IQGAP3: variants seen among roughly 807,000 people sequenced by gnomAD.
IQGAP3 encodes ras GTPase-activating-like protein IQGAP3.
IQGAP3 carries 165 observed loss-of-function variants against 208.2 expected under a neutral mutation model. The ratio of observed to expected loss-of-function variants is 0.79; its 90% CI spans 0.70 to 0.90. The LOEUF is 0.90. Among genes scored for constraint, IQGAP3 ranks in the 40% least tolerant of loss-of-function variants. The pLI, the probability that IQGAP3 is intolerant of heterozygous loss-of-function variation, is 0.00. For missense variants in IQGAP3, 1,811 were observed against 2,043.1 expected (o/e 0.89, Z 2.19); for synonymous variants, 703 against 803.6 (o/e 0.87, Z 2.12).
chr1:156,538,861 G>A lies in IQGAP3; in HGVS notation c.3229C>T (p.His1077Tyr), dbSNP rs777233810. The change falls in exon 26 of 38, where the codon CAC (histidine) becomes TAC (tyrosine). Residue 1077 changes from histidine to tyrosine, a missense_variant. His to Tyr is a moderately conservative substitution (Grantham distance 83). Coordinates refer to ENST00000361170, the MANE Select transcript of IQGAP3 (RefSeq NM_178229.5). Reference protein sequence around the residue: ...KVLSVHTDPVHLYKNWINQTE... With the variant: ...KVLSVHTDPVYLYKNWINQTE... ...TGGTTGATCCAGTTCTTATAGAGGT[G>A]GACAGGGTCTGTGTGGACGCTGAGC... The A allele has an allele frequency of 3.7e-6, 6 of 1,614,028 alleles. No individual in the cohort carries two copies. Among genetic ancestry groups the A allele is most frequent in the Non-Finnish European group, 8.5e-7 (1 of 1,180,028 alleles).
At position 156,528,911 on chromosome 1, in the gene IQGAP3, C is replaced by A. The variant is rs750431254; in HGVS notation, c.4571+5G>T. On this transcript the variant is annotated splice_donor_5th_base_variant and intron_variant, in intron 35 of 37. Transcript: ENST00000361170. ...ACCTTCCAAGTACGGGAAAGCAGCA[C>A]CTACTTGGAGTCGGGGGCCAGGTGG... 5.0e-6 allele frequency: 8 copies of A among 1,614,056 alleles called. No homozygotes were observed. In the East Asian group the frequency reaches 1.3e-4, roughly 27 times the overall value.
chr1:156,535,344 G>A, intron 27 of IQGAP3, 97 bp from the exon 28 acceptor site: 1 of 822,704 alleles, frequency 1.2e-6, no homozygotes, highest in South Asian at 1.6e-5. Flanking sequence ...TTCTCCCCCA[G>A]GCTCAGCCAC....
rs59477033 is a variant in IQGAP3, at chr1:156,539,272, T to C, written c.3056+102A>G. On this transcript the variant is annotated intron_variant, in intron 25 of 37. Coordinates refer to ENST00000361170, the MANE Select transcript of IQGAP3 (RefSeq NM_178229.5). ...AGAGAAAAGAGGTCTTCTGATTCCA[T>C]TTCTACCCTTAGGCCTCAACAAGTT... The C allele has an allele frequency of 1.5e-3, 1,752 of 1,160,460 alleles. 22 individuals are homozygous for C. The African/African-American group carries it at 0.024, about 16-fold the overall frequency. The allele number at this position is 1,160,460 out of a possible 1,614,324, so 71.9% of individuals were successfully genotyped here.
At chr1:156,549,314 T>C (rs541113204) in intron 16 of IQGAP3, among the ~76,000 whole-genome samples, 1 of 151,834 alleles carries the variant, frequency 6.6e-6, no homozygotes, top group Admixed American at 6.6e-5. Context: ...CTACTAATAA[T>C]ACAAAAATTA....
chr1:156,562,432 A>T (rs1230434771), intron 9 of IQGAP3, among the ~76,000 whole-genome samples, 155 bp downstream of exon 9: 1 of 152,154 alleles, frequency 6.6e-6, no homozygotes. Context: ...AAAGCAGTGC[A>T]CATACTCCTT....
intron 9 of IQGAP3, 32 bp from the exon 10 acceptor site, chr1:156,562,033 T>C (rs1297599059): frequency 1.3e-6 from 2 of 1,559,544 alleles, no homozygotes; most frequent in Admixed American, 1.9e-5. Context: ...ATGGACAGTG[T>C]GAGAAAGCCA....
At position 156,538,970 on chromosome 1, in the gene IQGAP3, C is replaced by T. The variant is rs750376761; in HGVS notation, c.3120G>A (p.Val1040=). ...GTCCCCGCCCATTACGGTAGAATCT[C>T]ACCACCAGCCTCACCACTGTTGGGT... ...TGNPTVVRLV[V]RFYRNGRGQS... The change falls in exon 26 of 38, where the codon GTG becomes GTA. Residue 1040 remains valine, a synonymous_variant. Transcript: ENST00000361170. 3 of 1,614,210 alleles carry T rather than the reference C, an allele frequency of 1.9e-6. No individual in the cohort carries two copies. Among genetic ancestry groups the T allele is most frequent in the South Asian group, 2.2e-5 (2 of 91,078 alleles).
chr1:156,564,801 C>A, intron 4 of IQGAP3, 110 bp from the exon 5 acceptor site: 1 of 763,270 alleles, frequency 1.3e-6, no homozygotes, highest in South Asian at 1.5e-5. Context: ...GGTGTGTGTT[C>A]CCTTGTTACC....
Position 156,528,980 on chromosome 1 carries a change from C to A in IQGAP3, c.4507G>T (p.Glu1503Ter). 1 of 1,614,214 alleles carries A rather than the reference C, an allele frequency of 6.2e-7. No individual in the cohort carries two copies. The change falls in exon 35 of 38, where the codon GAG (glutamate) becomes TAG (stop). Residue 1503 changes from glutamate (E) to a stop codon, truncating the protein, a stop_gained. Transcript: ENST00000361170. LOFTEE classifies it high-confidence loss of function. ...TACTGGCTGTAGTAGTCACCCTGCT[C>A]CTCATAGAAGGTGGTCTTAGTGCTC... ...GLSTKTTFYE[E>*]QGDYYSQYIR...
intron 11 of IQGAP3, 100 bp downstream of exon 11, chr1:156,560,834 A>G: frequency 1.3e-6 from 1 of 782,346 alleles, no homozygotes; most frequent in Non-Finnish European, 2.2e-6. Context: ...AAACAGCAGC[A>G]GTGTGTACTG....
chr1:156,529,589 A>G (rs1674280675), intron 34 of IQGAP3, among the ~76,000 whole-genome samples: 1 of 152,162 alleles, frequency 6.6e-6, no homozygotes, highest in South Asian at 2.1e-4. Context: ...GTTTGAGACC[A>G]GCCTGGCCAA....
intron 1 of IQGAP3, among the ~76,000 whole-genome samples, chr1:156,569,939 G>A (rs1676574914): frequency 1.3e-5 from 2 of 152,118 alleles, no homozygotes; most frequent in Admixed American, 6.5e-5. Context: ...CTCCTGTGCT[G>A]GAGGCATTAC....
chr1:156,555,674 G>A (rs1192735903), intron 12 of IQGAP3, among the ~76,000 whole-genome samples: 1 of 152,154 alleles, frequency 6.6e-6, no homozygotes, highest in Non-Finnish European at 1.5e-5. Flanking sequence ...CCTATAGCCT[G>A]AGGTAAATAT....
chr1:156,528,531 T>C lies in IQGAP3; in HGVS notation c.4651A>G (p.Ile1551Val). 6.2e-7 allele frequency: 1 copy of C among 1,613,870 alleles called. No individual in the cohort carries two copies. Among genetic ancestry groups the C allele is most frequent in the South Asian group, 1.1e-5 (1 of 91,070 alleles). ...QLLEKGVLVE[I>V]EDLPASHFRN... Reference sequence around the variant, plus strand: ...TACTGAGAGGCGGGAAGATCTTCAATTTCCACCAAGACACCCTTTTCCAGG... The same window carrying C: ...TACTGAGAGGCGGGAAGATCTTCAACTTCCACCAAGACACCCTTTTCCAGG... Residue 1551 changes from isoleucine to valine, a missense_variant, in exon 36 of 38, where the codon ATT (isoleucine) becomes GTT (valine). Ile to Val is a conservative substitution (Grantham distance 29). Transcript: ENST00000361170.
At chr1:156,555,372 GCCA>G (rs1475363897) in intron 12 of IQGAP3, among the ~76,000 whole-genome samples, 3 of 152,036 alleles carry the variant, frequency 2.0e-5, no homozygotes, top group Admixed American at 1.3e-4. Context: ...TCAGGCATGT[GCCA>G]CCACCACACC....
At chr1:156,564,947 G>A (rs551692604) in intron 4 of IQGAP3, among the ~76,000 whole-genome samples, 1 of 152,108 alleles carries the variant, frequency 6.6e-6, no homozygotes, top group Admixed American at 6.5e-5. Flanking sequence ...CCAAACACCA[G>A]ATAAGGCCAT....
intron 22 of IQGAP3, among the ~76,000 whole-genome samples, chr1:156,541,331 C>A (rs1674965073): frequency 6.6e-6 from 1 of 151,936 alleles, no homozygotes. Flanking sequence ...CACCACTCAG[C>A]CCTGCTTGCT....
At chr1:156,533,233 G>A in intron 31 of IQGAP3, 127 bp from the exon 32 acceptor site, 1 of 1,276,386 alleles carries the variant, frequency 7.8e-7, no homozygotes, top group Non-Finnish European at 1.1e-6. Flanking sequence ...CCTCTTCCAG[G>A]AAGTTTTCCC....
rs1676686732 is a variant in IQGAP3 at position 156,572,423 on chromosome 1, T to C, written c.37+70A>G. ...CACGCCCGACACACGCCCCAATCTCTCCCGGGACAGCCAAGCCCCCGACCA... is the reference window on the plus strand; with the variant it reads ...CACGCCCGACACACGCCCCAATCTCCCCCGGGACAGCCAAGCCCCCGACCA... On this transcript the variant is annotated intron_variant, in intron 1 of 37. Transcript: ENST00000361170. 2.6e-6 allele frequency: 4 copies of C among 1,516,020 alleles called. No homozygotes were observed. The African/African-American group carries it at 5.5e-5, about 21-fold the overall frequency. The allele number at this position is 1,516,020 out of a possible 1,614,324, so 93.9% of individuals were successfully genotyped here.
Sources: allele counts gnomAD v4.1 joint callset (sites outside exome capture counted in the v4.1 genomes callset), GRCh38; gene constraint gnomAD v4.1.1; transcripts MANE v1.5; gene names NCBI Gene and HGNC (gene_info 2026-07-23, HGNC 2026-07-21).